Variants in PSMG2 observed in about 807,000 individuals in gnomAD.
The protein encoded by PSMG2 is proteasome assembly chaperone 2.
PSMG2 carries 21 observed loss-of-function variants against 31.5 expected under a neutral mutation model. The ratio of observed to expected loss-of-function variants is 0.67; its 90% CI spans 0.47 to 0.96. The LOEUF (loss-of-function observed/expected upper bound fraction) is 0.96, where lower values mean the gene tolerates loss of function less well. PSMG2 is among the 40% of genes least tolerant of loss of function. The pLI is 0.00. For missense variants in PSMG2, 318 were observed against 321.2 expected (o/e 0.99, Z 0.08); for synonymous variants, 120 against 110.4 (o/e 1.09, Z -0.54).
chr18:12,677,546 AG>A (rs1245409605), intron 1 of PSMG2, among the ~76,000 whole-genome samples: 1 of 151,780 alleles, frequency 6.6e-6, no homozygotes, highest in African/African-American at 2.4e-5. Flanking sequence ...TACCCAGTTG[AG>A]TACAACATGA....
At chr18:12,667,381 C>G (rs889095820) in intron 1 of PSMG2, among the ~76,000 whole-genome samples, 3 of 150,834 alleles carry the variant, frequency 2.0e-5, no homozygotes, top group African/African-American at 7.3e-5. Flanking sequence ...CCGTTGAGCC[C>G]AGGTGTTCAA....
In PSMG2 at chr18:12,712,725, C is replaced by G; in HGVS notation, c.253C>G (p.Leu85Val). 6.2e-7 allele frequency: 1 copy of G among 1,607,860 alleles called. No homozygotes were observed. Among genetic ancestry groups the G allele is most frequent in the Non-Finnish European group, 8.5e-7 (1 of 1,175,652 alleles). Reference protein sequence around the residue: ...AEVYSLPSRKLVALQLRSIFI... With the variant: ...AEVYSLPSRKVVALQLRSIFI... ...AGTGTATTCATTGCCTTCAAGAAAGCTGGTGGCTCTACAGTTAAGATCCAT... is the reference window on the plus strand; with the variant it reads ...AGTGTATTCATTGCCTTCAAGAAAGGTGGTGGCTCTACAGTTAAGATCCAT... Residue 85 changes from leucine (L) to valine (V), a missense_variant, in exon 3 of 7, where the codon CTG becomes GTG. Leu to Val is a conservative substitution (Grantham distance 32). Transcript: ENST00000317615.
At chr18:12,673,411 C>A (rs532240201) in intron 1 of PSMG2, 1 of 1,606,980 alleles carries the variant, frequency 6.2e-7, no homozygotes, top group Non-Finnish European at 8.5e-7. Flanking sequence ...CCAAACAGCA[C>A]ATGCAGATTC....
At chr18:12,684,749 C>T (rs1002036626) in intron 1 of PSMG2, 1 of 152,086 alleles carries the variant, frequency 6.6e-6, no homozygotes, top group Non-Finnish European at 1.5e-5. Context: ...TCCCAAAGTG[C>T]TGGGATTACA....
intron 1 of PSMG2, among the ~76,000 whole-genome samples, chr18:12,659,661 G>A (rs949969627): frequency 1.3e-5 from 2 of 151,930 alleles, no homozygotes; most frequent in Non-Finnish European, 2.9e-5. Context: ...CAGAGCGAGA[G>A]TCTGTCTCAA....
chr18:12,674,799 T>C, intron 1 of PSMG2: 1 of 1,240,460 alleles, frequency 8.1e-7, no homozygotes, highest in Non-Finnish European at 1.1e-6. Flanking sequence ...ACATTAATAT[T>C]TTTAAAACCA....
chr18:12,674,584 A>G, intron 1 of PSMG2: 1 of 1,614,132 alleles, frequency 6.2e-7, no homozygotes, highest in Non-Finnish European at 8.5e-7. Context: ...CACAAAATGT[A>G]TTGGGAACCC....
chr18:12,694,389 G>A (rs1353375136), intron 1 of PSMG2, among the ~76,000 whole-genome samples: 1 of 152,136 alleles, frequency 6.6e-6, no homozygotes, highest in East Asian at 1.9e-4. Flanking sequence ...CGGCAAGTCA[G>A]CAGATAATGA....
chr18:12,693,794 A>C (rs539987527), intron 1 of PSMG2, among the ~76,000 whole-genome samples: 11 of 152,170 alleles, frequency 7.2e-5, no homozygotes, highest in African/African-American at 2.4e-4. Context: ...AAAAACAAAC[A>C]AAAAAACCCC....
At chr18:12,718,667 GTATGGTTTATAC>G in intron 4 of PSMG2, 32 bp downstream of exon 4, 4 of 1,498,242 alleles carry the variant, frequency 2.7e-6, no homozygotes, top group Non-Finnish European at 3.7e-6. Flanking sequence ...GTTATTTTTG[GTATGGTTTATAC>G]TATGATAATT....
At chr18:12,715,588 C>A (rs1237600470) in intron 3 of PSMG2, among the ~76,000 whole-genome samples, 1 of 152,044 alleles carries the variant, frequency 6.6e-6, no homozygotes, top group Non-Finnish European at 1.5e-5. Context: ...TCACTGCAAC[C>A]TCCGTCTCCT....
chr18:12,699,657 A>G (rs933492485), upstream of PSMG2, among the ~76,000 whole-genome samples: 8 of 152,214 alleles, frequency 5.3e-5, no homozygotes, highest in Non-Finnish European at 1.2e-4. Flanking sequence ...CGTGCTATAC[A>G]TTAACTCTTC....
chr18:12,701,453 G>A (rs148028796), upstream of PSMG2, among the ~76,000 whole-genome samples: 169 of 152,200 alleles, frequency 1.1e-3, 1 homozygote, highest in East Asian at 6.8e-3. Flanking sequence ...CTAATGATAA[G>A]GGAATCTTAC....
chr18:12,686,483 A>G (rs1333546922), intron 1 of PSMG2: 4 of 1,432,100 alleles, frequency 2.8e-6, no homozygotes, highest in Non-Finnish European at 3.9e-6. Flanking sequence ...CTGTAATGAC[A>G]TATTAATCAT....
At chr18:12,724,728 A>AT in intron 6 of PSMG2, 109 bp downstream of exon 6, 1 of 1,141,274 alleles carries the variant, frequency 8.8e-7, no homozygotes, top group Non-Finnish European at 1.1e-6. Context: ...TATTAAATAT[A>AT]GACATATCTT....
At chr18:12,697,949 T>C (rs1160714636) in intron 1 of PSMG2, among the ~76,000 whole-genome samples, 1 of 152,140 alleles carries the variant, frequency 6.6e-6, no homozygotes. Context: ...TCTGAAACTT[T>C]GCTTAGTTTA....
upstream of PSMG2, among the ~76,000 whole-genome samples, chr18:12,701,883 C>T (rs2040165412): frequency 6.6e-6 from 1 of 152,218 alleles, no homozygotes; most frequent in African/African-American, 2.4e-5. Context: ...GTAATCCCAG[C>T]ACTTTAGGAG....
At chr18:12,704,662 A>G (rs1220837562) in intron 1 of PSMG2, among the ~76,000 whole-genome samples, 1 of 152,206 alleles carries the variant, frequency 6.6e-6, no homozygotes, top group African/African-American at 2.4e-5. Flanking sequence ...TTTTTGCTAC[A>G]TAGAGAAACA....
intron 1 of PSMG2, among the ~76,000 whole-genome samples, chr18:12,667,813 G>A (rs2038834926): frequency 7.7e-6 from 1 of 130,480 alleles, no homozygotes; most frequent in Non-Finnish European, 1.6e-5. Context: ...ACTTAACACA[G>A]AAGAAAGCAA....
Sources: gnomAD v4.1 joint callset for allele counts (sites outside exome capture counted in the v4.1 genomes callset) on GRCh38, gnomAD v4.1.1 for gene constraint, MANE v1.5 for transcripts, NCBI Gene and HGNC (gene_info 2026-07-23, HGNC 2026-07-21) for gene names.